CDH13: variants seen among roughly 807,000 people sequenced by gnomAD.
CDH13 encodes cadherin-13.
A neutral mutation model predicts 63.8 loss-of-function variants in CDH13; 24 were observed. The observed-to-expected ratio is 0.38, with a 90% confidence interval of 0.27 to 0.53. The LOEUF is 0.53. Among genes scored for constraint, CDH13 ranks in the 20% least tolerant of loss-of-function variants. The probability of loss-of-function intolerance (pLI) is 0.85; values close to 1 mark genes in which losing one functional copy is unlikely to be tolerated. For missense variants in CDH13, 1,049 were observed against 903.1 expected, an observed-to-expected ratio of 1.16 and a Z score of -2.07; for synonymous variants, 503 against 355.3, an observed-to-expected ratio of 1.42 and a Z score of -4.67.
At chr16:83,300,764 T>C (rs1187391585) in intron 5 of CDH13, among the ~76,000 whole-genome samples, 1 of 152,236 alleles carries the variant, frequency 6.6e-6, no homozygotes, top group African/African-American at 2.4e-5. Context: ...GCAGTTTATA[T>C]ATGCAGGTTT....
intron 5 of CDH13, among the ~76,000 whole-genome samples, chr16:83,251,999 TC>T (rs1442752180): frequency 1.3e-5 from 2 of 151,618 alleles, no homozygotes; most frequent in Non-Finnish European, 2.9e-5. Context: ...TATTGACTGA[TC>T]CCCGGGATGC....
In CDH13 at chr16:83,324,498, C is replaced by A. The variant is rs1180356688; in HGVS notation, c.637-20364C>A. On this transcript the variant is annotated intron_variant, in intron 5 of 13. Transcript: ENST00000567109. ...AACTTTTTTAATGAAAGGAATCATG[C>A]AACACTTGCCCTTCCATGAGTAGCT... is the stretch of plus-strand genomic sequence containing the variant. Among the ~76,000 whole-genome samples the A allele has an allele frequency of 2.0e-5, 3 of 152,196 alleles. No homozygotes were observed. The East Asian group carries it at 5.8e-4, about 29-fold the overall frequency.
chr16:83,180,698 G>A (rs545466029), intron 4 of CDH13, among the ~76,000 whole-genome samples: 27 of 152,150 alleles, frequency 1.8e-4, no homozygotes, highest in Non-Finnish European at 2.9e-4. Flanking sequence ...TTTCACAGAC[G>A]TAATTATTAG....
intron 2 of CDH13, among the ~76,000 whole-genome samples, chr16:82,975,254 G>A (rs562599620): frequency 2.2e-4 from 34 of 152,340 alleles, no homozygotes; most frequent in African/African-American, 6.7e-4. Context: ...GGAAAGCAGA[G>A]ATAAGGCTCC....
chr16:82,807,442 T>C (rs1054970826), intron 1 of CDH13, among the ~76,000 whole-genome samples: 5 of 152,074 alleles, frequency 3.3e-5, no homozygotes, highest in South Asian at 2.1e-4. Context: ...GTTAGAACAA[T>C]AGAGGATTCC....
chr16:82,897,886 G>A (rs538938582), intron 2 of CDH13, among the ~76,000 whole-genome samples: 8 of 152,070 alleles, frequency 5.3e-5, no homozygotes, highest in East Asian at 3.9e-4. Context: ...TTCACTAGTC[G>A]GCAAACATTT....
At chr16:82,939,872 C>T (rs138429162) in intron 2 of CDH13, among the ~76,000 whole-genome samples, 1 of 152,224 alleles carries the variant, frequency 6.6e-6, no homozygotes, top group African/African-American at 2.4e-5. Context: ...CGTTTTCACG[C>T]TGCTGATAAA....
At chr16:82,896,197 T>C (rs1461498143) in intron 2 of CDH13, among the ~76,000 whole-genome samples, 1 of 151,680 alleles carries the variant, frequency 6.6e-6, no homozygotes, top group Non-Finnish European at 1.5e-5. Flanking sequence ...TTAACGGGTG[T>C]ATTTCCAGCA....
chr16:83,562,469 A>C (rs1567766058), intron 7 of CDH13, among the ~76,000 whole-genome samples: 1 of 152,234 alleles, frequency 6.6e-6, no homozygotes, highest in Non-Finnish European at 1.5e-5. Flanking sequence ...TTTGGATTCT[A>C]TGTATTTTTA....
intron 2 of CDH13, among the ~76,000 whole-genome samples, chr16:82,994,007 A>T (rs1911935038): frequency 6.6e-6 from 1 of 152,122 alleles, no homozygotes; most frequent in Non-Finnish European, 1.5e-5. Context: ...CCTTTTCAGG[A>T]ACGGAAATGT....
chr16:82,816,862 C>T (rs4783285), intron 1 of CDH13, among the ~76,000 whole-genome samples: 2 of 151,068 alleles, frequency 1.3e-5, no homozygotes, highest in African/African-American at 4.9e-5. Context: ...CCTGAAGCTC[C>T]AACTCAGCAC....
chr16:83,750,132 C>G (rs1912959288), intron 11 of CDH13, among the ~76,000 whole-genome samples: 1 of 152,028 alleles, frequency 6.6e-6, no homozygotes, highest in Admixed American at 6.5e-5. Flanking sequence ...CCCATCTCTA[C>G]TAAAGATACA....
At chr16:83,182,555 G>C (rs2038378805) in intron 4 of CDH13, among the ~76,000 whole-genome samples, 2 of 152,218 alleles carry the variant, frequency 1.3e-5, no homozygotes. Context: ...GTCCTTTAAA[G>C]TCTGCGGACA....
At chr16:83,395,567 C>G (rs192337448) in intron 6 of CDH13, among the ~76,000 whole-genome samples, 2 of 152,240 alleles carry the variant, frequency 1.3e-5, no homozygotes, top group African/African-American at 4.8e-5. Context: ...CTCTCCCCAA[C>G]CCTCCCACAT....
At chr16:83,404,230 C>T (rs1284691503) in intron 6 of CDH13, among the ~76,000 whole-genome samples, 1 of 152,204 alleles carries the variant, frequency 6.6e-6, no homozygotes, top group African/African-American at 2.4e-5. Flanking sequence ...GCATCCTTTG[C>T]TCCACCTGCA....
At chr16:83,038,457 C>A (rs924362226) in intron 3 of CDH13, among the ~76,000 whole-genome samples, 4 of 152,178 alleles carry the variant, frequency 2.6e-5, no homozygotes, top group African/African-American at 9.6e-5. Flanking sequence ...TTTTGACAGG[C>A]TCTGACAAAT....
At chr16:82,844,975 C>G (rs974785110) in intron 1 of CDH13, among the ~76,000 whole-genome samples, 2 of 151,972 alleles carry the variant, frequency 1.3e-5, no homozygotes, top group Non-Finnish European at 2.9e-5. Context: ...TTTTAAGCCT[C>G]TCAGATTTTA....
chr16:83,763,313 C>T (rs978863677), intron 11 of CDH13, among the ~76,000 whole-genome samples: 19 of 152,152 alleles, frequency 1.2e-4, no homozygotes, highest in Non-Finnish European at 2.5e-4. Context: ...TATCATGTCC[C>T]AGCCTGTCTT....
intron 2 of CDH13, among the ~76,000 whole-genome samples, chr16:82,924,707 C>G (rs981380705): frequency 6.6e-6 from 1 of 152,150 alleles, no homozygotes; most frequent in African/African-American, 2.4e-5. Flanking sequence ...TGCAGTAGCA[C>G]CACCTCTTCT....
Sources: gnomAD v4.1 joint callset for allele counts (sites outside exome capture counted in the v4.1 genomes callset) on GRCh38, gnomAD v4.1.1 for gene constraint, MANE v1.5 for transcripts, NCBI Gene and HGNC (gene_info 2026-07-23, HGNC 2026-07-21) for gene names.